Variants in LMX1A observed in about 807,000 individuals in gnomAD.
LMX1A encodes the protein LIM homeobox transcription factor 1-alpha.
In LMX1A, 15 loss-of-function variants were observed where a neutral mutation model predicts 49.1. The observed-to-expected ratio is 0.31, with a 90% CI of 0.20 to 0.47. The LOEUF is 0.47. LMX1A is among the 20% of genes least tolerant of loss of function. The pLI is 1.00. For synonymous variants in LMX1A, 167 were observed against 185.7 expected, an observed-to-expected ratio of 0.90 and a Z score of 0.82; for missense variants, 372 against 475.8, an observed-to-expected ratio of 0.78 and a Z score of 2.03.
intron 4 of LMX1A, among the ~76,000 whole-genome samples, chr1:165,222,997 T>C (rs1337168994): frequency 6.6e-6 from 1 of 151,946 alleles, no homozygotes; most frequent in Non-Finnish European, 1.5e-5. Flanking sequence ...GGAGATTCAC[T>C]GCTAATGAAT....
In LMX1A at chr1:165,302,529, A is replaced by T. The variant is rs559957864; in HGVS notation, c.263+50547T>A. Among the ~76,000 whole-genome samples, 84 of 152,246 alleles carry T rather than the reference A, an allele frequency of 5.5e-4. 1 individual carries two copies. The highest frequency in any genetic ancestry group is 3.4e-3 in the Middle Eastern group (1 of 294). On this transcript the variant is annotated intron_variant, in intron 3 of 8. Coordinates refer to ENST00000342310, the MANE Select transcript of LMX1A (RefSeq NM_177398.4). ...CTGAGATGTGGCTGGTGATGCTGAC[A>T]TTGCTTCTGTTCAAAATCTTCCTCC...
At position 165,228,846 on chromosome 1, in the gene LMX1A, TA is replaced by T. The variant is rs554595691; in HGVS notation, c.497-15034del. On this transcript the variant is annotated intron_variant, in intron 4 of 8. Transcript: ENST00000342310. ...AAAAACCAGAGGCCAGAAATGACTT[TA>T]AAGGAAACTTACTCCAGGGACCAAA... Among the ~76,000 whole-genome samples the T allele has an allele frequency of 7.9e-5, 12 of 152,272 alleles. No individual in the cohort carries two copies. The South Asian group carries it at 1.7e-3, about 21-fold the overall frequency.
Position 165,208,059 on chromosome 1 carries a change from T to C in LMX1A, c.817+4A>G. On this transcript the variant is annotated splice_donor_region_variant and intron_variant, in intron 7 of 8. Transcript: ENST00000342310. Reference sequence around the variant, plus strand: ...GAACTGCCTGGGAGGAGGCACCAGCTTACCAGAGCTCAGCCTCTGGGTGTT... The same window carrying C: ...GAACTGCCTGGGAGGAGGCACCAGCCTACCAGAGCTCAGCCTCTGGGTGTT... The C allele has an allele frequency of 6.2e-7, 1 of 1,613,578 alleles. No individual in the cohort carries two copies. Among genetic ancestry groups the C allele is most frequent in the Non-Finnish European group, 8.5e-7 (1 of 1,179,816 alleles).
chr1:165,232,533 C>A (rs1021586479), intron 4 of LMX1A, among the ~76,000 whole-genome samples: 1 of 152,094 alleles, frequency 6.6e-6, no homozygotes, highest in African/African-American at 2.4e-5. Flanking sequence ...GAAGAGGCTT[C>A]TGGCATCATT....
intron 3 of LMX1A, among the ~76,000 whole-genome samples, chr1:165,262,990 A>G (rs1248338305): frequency 2.6e-5 from 4 of 152,172 alleles, no homozygotes; most frequent in Non-Finnish European, 5.9e-5. Flanking sequence ...GCAGGCTTGG[A>G]CATCATCAAT....
intron 4 of LMX1A, among the ~76,000 whole-genome samples, chr1:165,220,724 T>C (rs1167283792): frequency 6.6e-6 from 1 of 152,128 alleles, no homozygotes; most frequent in African/African-American, 2.4e-5. Flanking sequence ...TTGGGCCAAG[T>C]GTGTGGAAAA....
intron 3 of LMX1A, among the ~76,000 whole-genome samples, chr1:165,340,257 C>T (rs191271450): frequency 6.6e-6 from 1 of 152,014 alleles, no homozygotes; most frequent in Admixed American, 6.5e-5. Context: ...CATGTGCCAC[C>T]ACACCTGGCT....
At chr1:165,291,173 C>T (rs532980454) in intron 3 of LMX1A, among the ~76,000 whole-genome samples, 5 of 152,320 alleles carry the variant, frequency 3.3e-5, no homozygotes, top group East Asian at 1.9e-4. Flanking sequence ...CACAGCCCCA[C>T]GCTTGAGTAA....
intron 4 of LMX1A, among the ~76,000 whole-genome samples, chr1:165,222,198 A>G (rs1018866523): frequency 3.9e-5 from 6 of 152,194 alleles, no homozygotes; most frequent in Admixed American, 3.3e-4. Flanking sequence ...AACTGAAACC[A>G]TAACTCGTTT....
chr1:165,214,917 T>C (rs1651584542), intron 4 of LMX1A, among the ~76,000 whole-genome samples: 1 of 152,224 alleles, frequency 6.6e-6, no homozygotes, highest in Non-Finnish European at 1.5e-5. Flanking sequence ...TCACTTTTTT[T>C]TCCAGGCTAC....
chr1:165,208,795 C>A (rs908131073), intron 6 of LMX1A, among the ~76,000 whole-genome samples: 6 of 152,126 alleles, frequency 3.9e-5, no homozygotes, highest in Non-Finnish European at 7.3e-5. Context: ...TACAGGCGCC[C>A]GCCACTACGC....
intron 2 of LMX1A, among the ~76,000 whole-genome samples, chr1:165,354,799 G>GT (rs1656550670): frequency 6.6e-6 from 1 of 152,250 alleles, no homozygotes; most frequent in African/African-American, 2.4e-5. Context: ...GGCAGAGTGG[G>GT]TGGGGGAGCC....
chr1:165,219,316 G>A (rs1298623937), intron 4 of LMX1A, among the ~76,000 whole-genome samples: 1 of 152,146 alleles, frequency 6.6e-6, no homozygotes, highest in African/African-American at 2.4e-5. Context: ...GGTGAGGGAG[G>A]GGATGAGAGA....
intron 3 of LMX1A, among the ~76,000 whole-genome samples, chr1:165,303,568 A>C (rs576314220): frequency 6.6e-6 from 1 of 152,354 alleles, no homozygotes; most frequent in African/African-American, 2.4e-5. Context: ...TGTGCTGGTC[A>C]CGGACTTGGC....
intron 3 of LMX1A, among the ~76,000 whole-genome samples, chr1:165,284,382 T>G (rs1484417158): frequency 6.6e-6 from 1 of 152,238 alleles, no homozygotes; most frequent in Non-Finnish European, 1.5e-5. Flanking sequence ...CATGCGTGTT[T>G]GAGGTTAGAA....
intron 3 of LMX1A, among the ~76,000 whole-genome samples, chr1:165,349,495 G>A (rs1278262186): frequency 6.6e-6 from 1 of 152,186 alleles, no homozygotes; most frequent in African/African-American, 2.4e-5. Flanking sequence ...CATCAATTGT[G>A]TAAATGTTGT....
chr1:165,332,157 A>C (rs1655766134), intron 3 of LMX1A, among the ~76,000 whole-genome samples: 1 of 152,326 alleles, frequency 6.6e-6, no homozygotes, highest in Middle Eastern at 3.4e-3. Context: ...AAAAACAATA[A>C]GTAAATTAAA....
At chr1:165,326,379 G>A (rs969836602) in intron 3 of LMX1A, among the ~76,000 whole-genome samples, 6 of 152,188 alleles carry the variant, frequency 3.9e-5, no homozygotes, top group East Asian at 1.9e-4. Context: ...AATATTAACC[G>A]TAACTGCTTT....
chr1:165,252,203 C>G (rs1653085537), intron 3 of LMX1A, among the ~76,000 whole-genome samples: 1 of 152,190 alleles, frequency 6.6e-6, no homozygotes, highest in South Asian at 2.1e-4. Flanking sequence ...TGGGTACTCA[C>G]TAAAAGTTGA....
Sources: allele counts gnomAD v4.1 joint callset (sites outside exome capture counted in the v4.1 genomes callset), GRCh38; gene constraint gnomAD v4.1.1; transcripts MANE v1.5; gene names NCBI Gene and HGNC (gene_info 2026-07-23, HGNC 2026-07-21).